MIGA1: variants seen among roughly 807,000 people sequenced by gnomAD.
MIGA1 encodes family with sequence similarity 73, member A.
In MIGA1, 58 loss-of-function variants were observed where a neutral mutation model predicts 82.0. The ratio of observed to expected loss-of-function variants is 0.71; its 90% CI spans 0.57 to 0.88. The LOEUF (loss-of-function observed/expected upper bound fraction) is 0.88, where lower values mean the gene tolerates loss of function less well. Ranked by LOEUF, MIGA1 falls within the 40% of genes least tolerant of loss-of-function variation. The pLI is 0.00. For synonymous variants in MIGA1, 249 were observed against 253.6 expected (o/e 0.98, Z 0.17); for missense variants, 751 against 749.1 (o/e 1.00, Z -0.03).
chr1:77,815,693 TTAAAGAGA>T (rs1433009556), intron 7 of MIGA1, among the ~76,000 whole-genome samples: 1 of 152,202 alleles, frequency 6.6e-6, no homozygotes, highest in Non-Finnish European at 1.5e-5. Flanking sequence ...GTTTCCTACT[TTAAAGAGA>T]AAAGAGTTTT....
chr1:77,813,691 A>G (rs1281312872), intron 5 of MIGA1, 43 bp from the exon 6 acceptor site: 8 of 1,596,750 alleles, frequency 5.0e-6, no homozygotes, highest in Non-Finnish European at 6.8e-6. Context: ...TTATTTTGGC[A>G]TTGATTTTGC....
rs115022511 is a variant in MIGA1, at chr1:77,839,668, C to T, written c.896-3639C>T. On this transcript the variant is annotated intron_variant, in intron 7 of 15. Coordinates refer to ENST00000370791, the MANE Select transcript of MIGA1 (RefSeq NM_198549.4). ...GATTACAGACGTGAGCCATTGCACC[C>T]AGCTGCCTTTGGTTTTCCGTTTTCC... Among the ~76,000 whole-genome samples, 929 of 152,082 alleles carry T rather than the reference C, an allele frequency of 6.1e-3. 13 individuals carry two copies. Among genetic ancestry groups the T allele is most frequent in the African/African-American group, 0.021 (864 of 41,498 alleles).
intron 8 of MIGA1, among the ~76,000 whole-genome samples, chr1:77,849,499 G>A (rs1040783522): frequency 4.6e-5 from 7 of 152,154 alleles, no homozygotes; most frequent in African/African-American, 1.7e-4. Context: ...ATAAAATATG[G>A]ATTTGAACAA....
chr1:77,814,924 A>G (rs186333113), intron 6 of MIGA1, among the ~76,000 whole-genome samples, 184 bp from the exon 7 acceptor site: 9 of 152,296 alleles, frequency 5.9e-5, no homozygotes, highest in Admixed American at 2.6e-4. Flanking sequence ...AACTAAGGTA[A>G]TTTTGCCAAA....
At chr1:77,871,125 G>GGGAGAGGGAGAGGAAGGA (rs149246341) in intron 14 of MIGA1, among the ~76,000 whole-genome samples, 5,190 of 74,214 alleles carry the variant, frequency 0.07, 679 homozygotes, top group East Asian at 0.17. Flanking sequence ...GAGAGGGAGA[G>GGGAGAGGGAGAGGAAGGA]GAGGGAGAGG....
chr1:77,829,975 T>G (rs1684184327), intron 7 of MIGA1, among the ~76,000 whole-genome samples: 1 of 151,414 alleles, frequency 6.6e-6, no homozygotes, highest in Admixed American at 6.6e-5. Context: ...CTGCATTGGT[T>G]TCACAGTGTC....
At chr1:77,793,446 T>G (rs113309846) in intron 2 of MIGA1, among the ~76,000 whole-genome samples, 3,977 of 151,868 alleles carry the variant, frequency 0.026, 54 homozygotes, top group Middle Eastern at 0.078. Context: ...TTTTTTTTGT[T>G]TGTTTGTTTG....
intron 14 of MIGA1, among the ~76,000 whole-genome samples, chr1:77,869,205 T>C (rs1264584581): frequency 7.1e-6 from 1 of 141,080 alleles, no homozygotes; most frequent in Non-Finnish European, 1.5e-5. Context: ...CCGCCCTTAA[T>C]CCATTTAACC....
intron 8 of MIGA1, among the ~76,000 whole-genome samples, chr1:77,844,636 T>A (rs1684769273): frequency 6.6e-6 from 1 of 152,126 alleles, no homozygotes; most frequent in African/African-American, 2.4e-5. Context: ...TTTTTTACAG[T>A]AGATTTTGGA....
chr1:77,842,416 A>T (rs1684661469), intron 7 of MIGA1, among the ~76,000 whole-genome samples: 1 of 152,206 alleles, frequency 6.6e-6, no homozygotes, highest in Non-Finnish European at 1.5e-5. Flanking sequence ...TTTTGGGGGC[A>T]TTTATATTTG....
At position 77,802,789 on chromosome 1, in the gene MIGA1, G is replaced by GA. The variant is rs761521233; in HGVS notation, c.374-470dup. Among the ~76,000 whole-genome samples the GA allele has an allele frequency of 2.1e-3, 291 of 140,800 alleles. 2 individuals are homozygous for GA. The highest frequency in any genetic ancestry group is 5.6e-3 in the African/African-American group (217 of 38,542). 92.4% of individuals were successfully genotyped at this position (140,800 alleles called of 152,430 possible). On this transcript the variant is annotated intron_variant, in intron 3 of 15. Coordinates refer to ENST00000370791, the MANE Select transcript of MIGA1 (RefSeq NM_198549.4). ...GAGTGAGATCTTTTCTCAAAAAAAG[G>GA]AAAAAAAAAAACCAAGAAACTAATG...
chr1:77,825,691 G>A (rs968727432), intron 7 of MIGA1, among the ~76,000 whole-genome samples: 1 of 152,092 alleles, frequency 6.6e-6, no homozygotes, highest in African/African-American at 2.4e-5. Flanking sequence ...ATCTGGAAGT[G>A]TTATGTTTAT....
At chr1:77,831,101 A>C (rs1310529767) in intron 7 of MIGA1, among the ~76,000 whole-genome samples, 1 of 152,220 alleles carries the variant, frequency 6.6e-6, no homozygotes, top group Admixed American at 6.5e-5. Flanking sequence ...CCCATACCTC[A>C]CAATTGATGT....
At chr1:77,869,471 C>A (rs1271807737) in intron 14 of MIGA1, among the ~76,000 whole-genome samples, 1 of 140,804 alleles carries the variant, frequency 7.1e-6, no homozygotes, top group Non-Finnish European at 1.6e-5. Context: ...ACCTCCCAGA[C>A]GGGGTCGTGG....
At chr1:77,830,407 G>A (rs1684198292) in intron 7 of MIGA1, among the ~76,000 whole-genome samples, 1 of 152,232 alleles carries the variant, frequency 6.6e-6, no homozygotes, top group East Asian at 1.9e-4. Flanking sequence ...GATCTTAAAT[G>A]TAGGTTTTTG....
chr1:77,863,293 ATT>A (rs1685540663), intron 12 of MIGA1, among the ~76,000 whole-genome samples: 1 of 152,002 alleles, frequency 6.6e-6, no homozygotes, highest in African/African-American at 2.4e-5. Context: ...ATATTTCCCG[ATT>A]CCCTGCTCAC....
At chr1:77,808,420 C>T (rs1264484512) in intron 5 of MIGA1, among the ~76,000 whole-genome samples, 1 of 152,110 alleles carries the variant, frequency 6.6e-6, no homozygotes, top group African/African-American at 2.4e-5. Flanking sequence ...TTAACCTAAC[C>T]TGTTGACTGT....
At chr1:77,807,307 G>T (rs12405797) in intron 5 of MIGA1, among the ~76,000 whole-genome samples, 54 of 152,110 alleles carry the variant, frequency 3.6e-4, no homozygotes, top group African/African-American at 1.3e-3. Flanking sequence ...GACCACAGGC[G>T]CATACCACCA....
At chr1:77,851,876 CTTTTTT>C (rs374230686) in intron 8 of MIGA1, among the ~76,000 whole-genome samples, 1 of 120,400 alleles carries the variant, frequency 8.3e-6, no homozygotes, top group Non-Finnish European at 1.7e-5. Flanking sequence ...AGTTTTCTTT[CTTTTTT>C]TTTTTTTTTT....
Sources: gnomAD v4.1 joint callset for allele counts (sites outside exome capture counted in the v4.1 genomes callset) on GRCh38, gnomAD v4.1.1 for gene constraint, MANE v1.5 for transcripts, NCBI Gene and HGNC (gene_info 2026-07-23, HGNC 2026-07-21) for gene names.